CPNE2: variants seen among roughly 807,000 people sequenced by gnomAD.
CPNE2 encodes the protein copine-2.
A neutral mutation model predicts 69.7 loss-of-function variants in CPNE2; 42 were observed. The observed-to-expected ratio is 0.60, with a 90% CI of 0.47 to 0.78. CPNE2 has a LOEUF of 0.78. Among genes scored for constraint, CPNE2 ranks in the 30% least tolerant of loss-of-function variants. The pLI is 0.00. For synonymous variants in CPNE2, 294 were observed against 289.8 expected, an observed-to-expected ratio of 1.01 and a Z score of -0.15; for missense variants, 587 against 732.0, an observed-to-expected ratio of 0.80 and a Z score of 2.29.
In CPNE2 at chr16:57,135,295, G is replaced by C. The variant is rs904001900; in HGVS notation, c.1168+469G>C. 2.0e-5 allele frequency among the ~76,000 whole-genome samples: 3 copies of C among 152,150 alleles called. No individual in the cohort carries two copies. In the East Asian group the frequency reaches 5.8e-4, roughly 29 times the overall value. On this transcript the variant is annotated intron_variant, in intron 13 of 15. Coordinates refer to ENST00000290776, the MANE Select transcript of CPNE2 (RefSeq NM_152727.6). ...GGCGGGGGATCAGGGGGAGGCAGGG[G>C]CTGGGAAGTGAGTATGGTGTCTGTG...
At chr16:57,121,569 G>A (rs1288138783) in intron 8 of CPNE2, 105 bp from the exon 9 acceptor site, 6 of 1,114,330 alleles carry the variant, frequency 5.4e-6, no homozygotes, top group Admixed American at 1.9e-5. Context: ...GAGGAAGCAT[G>A]CTGCCCCCAT....
At chr16:57,136,497 T>A (rs1260806441) in intron 13 of CPNE2, among the ~76,000 whole-genome samples, 2 of 152,192 alleles carry the variant, frequency 1.3e-5, no homozygotes, top group African/African-American at 4.8e-5. Context: ...GCCCCTTCTC[T>A]GGAAAGGCCT....
chr16:57,119,613 T>C lies in CPNE2; in HGVS notation c.644T>C (p.Val215Ala), dbSNP rs2069746539. ...PVWKPFTVPL[V>A]SLCDGDMEKP... Reference sequence around the variant, plus strand: ...TGGAAGCCATTCACAGTGCCCTTGGTGTCCCTGTGTGATGGGGACATGGAG... The same window carrying C: ...TGGAAGCCATTCACAGTGCCCTTGGCGTCCCTGTGTGATGGGGACATGGAG... Residue 215 changes from valine to alanine, a missense_variant, in exon 7 of 16, where the codon GTG becomes GCG. Transcript: ENST00000290776. 1.2e-6 allele frequency: 2 copies of C among 1,612,838 alleles called. No homozygotes were observed. Among genetic ancestry groups the C allele is most frequent in the Non-Finnish European group, 1.7e-6 (2 of 1,179,576 alleles).
chr16:57,119,028 T>C (rs940610752), intron 5 of CPNE2, among the ~76,000 whole-genome samples, 167 bp from the exon 6 acceptor site: 1 of 151,874 alleles, frequency 6.6e-6, no homozygotes, highest in Non-Finnish European at 1.5e-5. Context: ...GCAGCTGCCC[T>C]GGGCCTCTTG....
At chr16:57,129,607 CAG>C (rs2069823821) in intron 12 of CPNE2, among the ~76,000 whole-genome samples, 1 of 152,144 alleles carries the variant, frequency 6.6e-6, no homozygotes, top group Admixed American at 6.5e-5. Context: ...CATTTGAGGT[CAG>C]AGAGTTTGAG....
At chr16:57,107,933 C>T (rs553682331) in intron 1 of CPNE2, among the ~76,000 whole-genome samples, 8 of 147,906 alleles carry the variant, frequency 5.4e-5, no homozygotes, top group South Asian at 2.1e-4. Flanking sequence ...TGCAGTGGCG[C>T]GATCTCAGCT....
At chr16:57,139,996 G>A (rs1189014217) in intron 14 of CPNE2, among the ~76,000 whole-genome samples, 2 of 152,134 alleles carry the variant, frequency 1.3e-5, no homozygotes, top group Admixed American at 6.5e-5. Context: ...CCAGCAAAGC[G>A]CTCAGGGAAG....
rs1777339971 is a variant in CPNE2 at position 57,119,331 on chromosome 16, C to T, written c.591+53C>T. The T allele has an allele frequency of 2.6e-6, 4 of 1,561,710 alleles. No individual in the cohort carries two copies. The South Asian group carries it at 3.3e-5, about 13-fold the overall frequency. The stretch of plus-strand genomic sequence containing the variant: ...TAAGCAGTGGGCCTGCAGTCCAGCC[C>T]CTCCACAGCTCTGAAAAAGGGAGGT... On this transcript the variant is annotated intron_variant, in intron 6 of 15. Coordinates refer to ENST00000290776, the MANE Select transcript of CPNE2 (RefSeq NM_152727.6).
At chr16:57,101,974 T>G (rs1172496784) in intron 1 of CPNE2, among the ~76,000 whole-genome samples, 2 of 147,800 alleles carry the variant, frequency 1.4e-5, no homozygotes, top group African/African-American at 2.5e-5. Flanking sequence ...TGAGACAGGG[T>G]CTCACTCTGT....
intron 1 of CPNE2, among the ~76,000 whole-genome samples, chr16:57,110,299 A>G (rs1007046455): frequency 7.0e-6 from 1 of 143,826 alleles, no homozygotes; most frequent in Non-Finnish European, 1.5e-5. Context: ...ATCACGGCTC[A>G]CTGCAACCTT....
Position 57,117,577 on chromosome 16 carries a change from G to A in CPNE2, c.507+10G>A, listed in dbSNP as rs1220776700. 6.2e-7 allele frequency: 1 copy of A among 1,612,804 alleles called. No homozygotes were observed. The highest frequency in any genetic ancestry group is 1.3e-5 in the African/African-American group (1 of 74,906). On this transcript the variant is annotated intron_variant, in intron 5 of 15. Coordinates refer to ENST00000290776, the MANE Select transcript of CPNE2 (RefSeq NM_152727.6). ...GAGGCTGGACAAGAAGGTAAGGCGG[G>A]CAGAGGAAGGGCTCCCATTGGGAAC...
intron 1 of CPNE2, among the ~76,000 whole-genome samples, chr16:57,095,222 T>C (rs2069570997): frequency 6.6e-6 from 1 of 152,174 alleles, no homozygotes; most frequent in Non-Finnish European, 1.5e-5. Flanking sequence ...GGTCACCCTG[T>C]GATCTTGGCA....
At chr16:57,102,907 AATCAGTTTTAACCT>A (rs2069623820) in intron 1 of CPNE2, among the ~76,000 whole-genome samples, 1 of 151,890 alleles carries the variant, frequency 6.6e-6, no homozygotes, top group East Asian at 1.9e-4. Context: ...CGGCCCTCTC[AATCAGTTTTAACCT>A]CGCCCCCTTT....
At chr16:57,102,016 G>A (rs958298517) in intron 1 of CPNE2, among the ~76,000 whole-genome samples, 15 of 150,610 alleles carry the variant, frequency 1.0e-4, no homozygotes, top group African/African-American at 3.4e-4. Context: ...GCATGATCAC[G>A]GCTCACTGCA....
In CPNE2 at chr16:57,130,860, G is replaced by A. The variant is rs1234510717; in HGVS notation, c.1116+2957G>A. Among the ~76,000 whole-genome samples the A allele has an allele frequency of 5.9e-5, 9 of 152,038 alleles. No individual in the cohort carries two copies. Among genetic ancestry groups the A allele is most frequent in the African/African-American group, 2.2e-4 (9 of 41,376 alleles). On this transcript the variant is annotated intron_variant, in intron 12 of 15. Transcript: ENST00000290776. The surrounding 1 kb of genome is among the most constrained non-coding windows in gnomAD (Gnocchi z 4.1). ...AAGGGTTAGGTCAAGCAGGTCTAAA[G>A]GCTGAGGAGGAGCCAGGAGAGGCGT...
chr16:57,094,078 T>C (rs1230524703), intron 1 of CPNE2: 1 of 456,590 alleles, frequency 2.2e-6, no homozygotes, highest in East Asian at 6.9e-5. Context: ...GCATTCCGCC[T>C]GGCATAGGTC....
intron 14 of CPNE2, chr16:57,145,076 CTAAT>C (rs2069947608): frequency 6.6e-6 from 1 of 152,156 alleles, no homozygotes; most frequent in Non-Finnish European, 1.5e-5. Flanking sequence ...ATCTCCCACA[CTAAT>C]TATTCAATTT....
intron 2 of CPNE2, among the ~76,000 whole-genome samples, chr16:57,111,185 T>C (rs1390838699): frequency 6.7e-6 from 1 of 149,846 alleles, no homozygotes; most frequent in African/African-American, 2.4e-5. Flanking sequence ...TTGATATCTT[T>C]TTTTTTTTTT....
Position 57,121,733 on chromosome 16 carries a change from G to A in CPNE2, c.840G>A (p.Ser280=), listed in dbSNP as rs759948453. 9.3e-6 allele frequency: 15 copies of A among 1,614,034 alleles called. No individual in the cohort carries two copies. Among genetic ancestry groups the A allele is most frequent in the East Asian group, 4.5e-5 (2 of 44,894 alleles). ...GGAAGAAGAAGAACTATAAAAACTC[G>A]GGCATCATCATCCTGCGATCCTGCA... ...KQRKKKNYKN[S]GIIILRSCKI... is the part of the protein sequence containing the mutation. Residue 280 remains serine (S), a synonymous_variant, in exon 9 of 16, where the codon TCG becomes TCA. Transcript: ENST00000290776.
Sources: allele counts gnomAD v4.1 joint callset (sites outside exome capture counted in the v4.1 genomes callset), GRCh38; gene constraint gnomAD v4.1.1; non-coding constraint Gnocchi (gnomAD v3.1); transcripts MANE v1.5; gene names NCBI Gene and HGNC (gene_info 2026-07-23, HGNC 2026-07-21).